Variants in OR8G1 observed in about 807,000 individuals in gnomAD.
OR8G1 encodes olfactory receptor family 8 subfamily G member 1.
For synonymous variants in OR8G1, 129 were observed against 133.3 expected, an observed-to-expected ratio of 0.97 and a Z score of 0.22; for missense variants, 372 against 356.2, an observed-to-expected ratio of 1.04 and a Z score of -0.36.
At chr11:124,242,998 C>T (rs777423808) in intron 1 of OR8G1, among the ~76,000 whole-genome samples, 9 of 151,902 alleles carry the variant, frequency 5.9e-5, no homozygotes, top group Non-Finnish European at 1.3e-4. Context: ...CCATGTATAA[C>T]TCACAAAAAG....
rs769418625 is a variant in OR8G1 at position 124,250,032 on chromosome 11, G to A, written c.357G>A (p.Ala119=). The A allele has an allele frequency of 1.9e-5, 30 of 1,613,644 alleles. No individual in the cohort carries two copies. The highest frequency in any genetic ancestry group is 1.6e-4 in the Middle Eastern group (1 of 6,084). The change falls in exon 3 of 3, where the codon GCG becomes GCA. Residue 119 remains alanine (A), a synonymous_variant. Coordinates refer to ENST00000641972, the MANE Select transcript of OR8G1 (RefSeq NM_001002905.2). ...IAECHMLAAM[A]YDRYMAICSP... ...AGTGTCACATGTTGGCTGCAATGGC[G>A]TATGACCGTTACATGGCCATCTGTA...
At position 124,250,456 on chromosome 11, in the gene OR8G1, C is replaced by A. The variant is rs375968700; in HGVS notation, c.781C>A (p.Gln261Lys). The change falls in exon 3 of 3, where the codon CAG becomes AAG. Residue 261 changes from glutamine to lysine, a missense_variant. Physicochemically the swap from Gln to Lys is moderately conservative, Grantham distance 53 (BLOSUM62 1). Coordinates refer to ENST00000641972, the MANE Select transcript of OR8G1 (RefSeq NM_001002905.2). ...TGGATCTGCAGCATTCATGTACTTG[C>A]AGCCATCTTCAATCAGCTCCATGGA... ...FFGSAAFMYL[Q>K]PSSISSMDQG... The A allele has an allele frequency of 9.3e-6, 15 of 1,613,702 alleles. No individual in the cohort carries two copies. In the African/African-American group the frequency reaches 1.3e-4, roughly 14 times the overall value.
chr11:124,241,146 A>C lies in OR8G1; in HGVS notation c.-315A>C, dbSNP rs1861757106. The C allele has an allele frequency of 6.6e-6, 1 of 152,114 alleles. No homozygotes were observed. The highest frequency in any genetic ancestry group is 1.5e-5 in the Non-Finnish European group (1 of 68,040). The allele number at this position is 152,114 out of a possible 1,614,324, so 9.4% of individuals were successfully genotyped here. A position where few individuals can be genotyped will look rare whatever the true frequency, so the allele number is the denominator to read the frequency against. ...AAACTGCAAAGTCATAATTAGAAAT[A>C]CTGACCTGTGATGCAGACCAGCTTC... On this transcript the variant is annotated 5_prime_UTR_variant, in exon 1 of 3. Coordinates refer to ENST00000641972, the MANE Select transcript of OR8G1 (RefSeq NM_001002905.2).
rs1239798904 is a variant in OR8G1, at chr11:124,250,151, A to G, written c.476A>G (p.His159Arg). The change falls in exon 3 of 3, where the codon CAT (histidine) becomes CGT (arginine). Residue 159 changes from histidine (H) to arginine (R), a missense_variant. Coordinates refer to ENST00000641972, the MANE Select transcript of OR8G1 (RefSeq NM_001002905.2). Reference sequence around the variant, plus strand: ...ATAGGCCTGGTTTGTGCATCAGTTCATACAGGCTGTATGTTTAGGGTTCAA... The same window carrying G: ...ATAGGCCTGGTTTGTGCATCAGTTCGTACAGGCTGTATGTTTAGGGTTCAA... ...YIIGLVCASV[H>R]TGCMFRVQFC... is the part of the protein sequence containing the mutation. The G allele has an allele frequency of 6.2e-7, 1 of 1,613,856 alleles. No homozygotes were observed. The highest frequency in any genetic ancestry group is 1.3e-5 in the African/African-American group (1 of 75,048).
At chr11:124,248,594 C>T (rs1006127071) in intron 2 of OR8G1, among the ~76,000 whole-genome samples, 1 of 151,742 alleles carries the variant, frequency 6.6e-6, no homozygotes, top group Non-Finnish European at 1.5e-5. Context: ...AACTCTAAGC[C>T]ATTTGGAATT....
At position 124,250,565 on chromosome 11, in the gene OR8G1, TC is replaced by T; in HGVS notation, c.892del (p.His298MetfsTer4). ...PLIYSLRNKD[V>X]HVSLKKMLQR... Reference sequence around the variant, plus strand: ...ATTTATAGCCTGAGGAATAAAGATGTCCATGTTTCCCTGAAGAAAATGCTAC... The same window carrying T: ...ATTTATAGCCTGAGGAATAAAGATGTCATGTTTCCCTGAAGAAAATGCTAC... On this transcript the variant is annotated frameshift_variant, in exon 3 of 3. Transcript: ENST00000641972. LOFTEE classifies it low-confidence loss of function (END_TRUNC). 2.3e-6 allele frequency: 1 copy of T among 442,474 alleles called. No individual in the cohort carries two copies. Among genetic ancestry groups the T allele is most frequent in the Non-Finnish European group, 2.9e-6 (1 of 339,976 alleles). The allele number at this position is 442,474 out of a possible 1,614,324, so 27.4% of individuals were successfully genotyped here. A position where few individuals can be genotyped will look rare whatever the true frequency, so the allele number is the denominator to read the frequency against.
chr11:124,250,065 G>C lies in OR8G1; in HGVS notation c.390G>C (p.Leu130Phe). 6.2e-7 allele frequency: 1 copy of C among 1,613,794 alleles called. No homozygotes were observed. The highest frequency in any genetic ancestry group is 8.5e-7 in the Non-Finnish European group (1 of 1,179,824). ...GTTACATGGCCATCTGTAGCCCCTT[G>C]CTGTACAGTGTCATCATATCCAATA... ...YDRYMAICSP[L>F]LYSVIISNKA... Residue 130 changes from leucine to phenylalanine, a missense_variant, in exon 3 of 3, where the codon TTG (leucine) becomes TTC (phenylalanine). Physicochemically the swap from Leu to Phe is conservative, Grantham distance 22 (BLOSUM62 0). Transcript: ENST00000641972.
At chr11:124,242,067 G>T (rs1395669844) in intron 1 of OR8G1, among the ~76,000 whole-genome samples, 1 of 126,494 alleles carries the variant, frequency 7.9e-6, no homozygotes, top group Non-Finnish European at 1.7e-5. Context: ...TTTTTTTTCA[G>T]TAGTAAATTA....
chr11:124,245,187 C>T (rs12785484), intron 1 of OR8G1, among the ~76,000 whole-genome samples: 48,754 of 137,498 alleles, frequency 0.35, 8,908 homozygotes, highest in East Asian at 0.44. Context: ...ACTACAGTCT[C>T]CAAAGTGTGA....
chr11:124,242,666 T>C (rs1861771785), intron 1 of OR8G1, among the ~76,000 whole-genome samples: 1 of 152,016 alleles, frequency 6.6e-6, no homozygotes, highest in Non-Finnish European at 1.5e-5. Flanking sequence ...GAAATCTGAA[T>C]CTCCCCTTGC....
chr11:124,242,312 C>A, intron 1 of OR8G1, among the ~76,000 whole-genome samples: 1 of 151,988 alleles, frequency 6.6e-6, no homozygotes, highest in Non-Finnish European at 1.5e-5. Flanking sequence ...TTATCAATGT[C>A]TTTCTTTTAA....
intron 1 of OR8G1, among the ~76,000 whole-genome samples, chr11:124,242,860 G>T (rs1338284191): frequency 6.6e-6 from 1 of 151,798 alleles, no homozygotes; most frequent in South Asian, 2.1e-4. Flanking sequence ...GCTATTTTCA[G>T]TGTCTAGAAC....
Position 124,251,155 on chromosome 11 carries a change from A to T in OR8G1, c.*544A>T, listed in dbSNP as rs1240698000. The T allele has an allele frequency of 1.9e-5, 2 of 106,028 alleles. 1 individual carries two copies. The highest frequency in any genetic ancestry group is 3.8e-5 in the Non-Finnish European group (2 of 52,850). 6.6% of individuals were successfully genotyped at this position (106,028 alleles called of 1,614,324 possible). ...GTATGTGTTATAATTGTGCAATCCAATATATCATCTGCTTTGCATTTTCCT... is the reference window on the plus strand; with the variant it reads ...GTATGTGTTATAATTGTGCAATCCATTATATCATCTGCTTTGCATTTTCCT... On this transcript the variant is annotated 3_prime_UTR_variant, in exon 3 of 3. Coordinates refer to ENST00000641972, the MANE Select transcript of OR8G1 (RefSeq NM_001002905.2).
At chr11:124,249,025 A>G (rs894143708) in intron 2 of OR8G1, among the ~76,000 whole-genome samples, 1 of 152,112 alleles carries the variant, frequency 6.6e-6, no homozygotes, top group African/African-American at 2.4e-5. Context: ...AGGCCTGTCC[A>G]TTTAACCACT....
chr11:124,243,471 AACTTT>A (rs201999454), intron 1 of OR8G1, among the ~76,000 whole-genome samples: 1,905 of 152,092 alleles, frequency 0.013, 48 homozygotes, highest in African/African-American at 0.044. Flanking sequence ...ATGCCTCTCT[AACTTT>A]ACTTCAGTTA....
rs577201212 is a variant in OR8G1 at position 124,252,385 on chromosome 11, A to G, written c.*1774A>G. On this transcript the variant is annotated 3_prime_UTR_variant, in exon 3 of 3. Transcript: ENST00000641972. ...CAGGATCCGACTTAGAAAAAAATAT[A>G]TTTCTAAAAGCTAAGGGGACTTAAA... is the stretch of plus-strand genomic sequence containing the variant. The G allele has an allele frequency of 4.6e-5, 7 of 152,290 alleles. No individual in the cohort carries two copies. The South Asian group carries it at 1.5e-3, about 32-fold the overall frequency. The allele number at this position is 152,290 out of a possible 1,614,324, so 9.4% of individuals were successfully genotyped here.
rs1263169825 is a variant in OR8G1 at position 124,246,204 on chromosome 11, G to A, written c.-96-1597G>A. On this transcript the variant is annotated intron_variant, in intron 1 of 2. Coordinates refer to ENST00000641972, the MANE Select transcript of OR8G1 (RefSeq NM_001002905.2). ...AATTAATTTTTGTATAAGGTGTAAG[G>A]GAGGGATCCAGTTTCTTTAATTTCT... is the stretch of plus-strand genomic sequence containing the variant. Among the ~76,000 whole-genome samples, 3 of 152,050 alleles carry A rather than the reference G, an allele frequency of 2.0e-5. No homozygotes were observed. In the East Asian group the frequency reaches 5.8e-4, roughly 29 times the overall value.
At position 124,251,217 on chromosome 11, in the gene OR8G1, T is replaced by G. The variant is rs1861865100; in HGVS notation, c.*606T>G. ...TACTTGCCTTCAACCTACACTGGACTTCAGTCTTCATGAAGATTCCCCCGT... is the reference window on the plus strand; with the variant it reads ...TACTTGCCTTCAACCTACACTGGACGTCAGTCTTCATGAAGATTCCCCCGT... On this transcript the variant is annotated 3_prime_UTR_variant, in exon 3 of 3. Transcript: ENST00000641972. 1 of 105,870 alleles carries G rather than the reference T, an allele frequency of 9.4e-6. No homozygotes were observed. Among genetic ancestry groups the G allele is most frequent in the East Asian group, 2.5e-4 (1 of 4,070 alleles). 6.6% of individuals were successfully genotyped at this position (105,870 alleles called of 1,614,324 possible). A position where few individuals can be genotyped will look rare whatever the true frequency, so the allele number is the denominator to read the frequency against.
At chr11:124,242,533 C>A (rs1477086770) in intron 1 of OR8G1, among the ~76,000 whole-genome samples, 1 of 151,230 alleles carries the variant, frequency 6.6e-6, no homozygotes, top group Non-Finnish European at 1.5e-5. Context: ...CAGACCAATA[C>A]CTCTGAACCA....
Sources: gnomAD v4.1 joint callset for allele counts (sites outside exome capture counted in the v4.1 genomes callset) on GRCh38, gnomAD v4.1.1 for gene constraint, MANE v1.5 for transcripts, NCBI Gene and HGNC (gene_info 2026-07-23, HGNC 2026-07-21) for gene names.